The following RAD51B variants were observed in gnomAD, a reference collection of about 807,000 sequenced individuals.
RAD51B encodes RAD51 paralog B.
In RAD51B, 38 loss-of-function variants were observed where a neutral mutation model predicts 42.2. That is an observed-to-expected ratio of 0.90 (90% CI 0.70 to 1.18). The LOEUF is 1.18. Ranked by LOEUF, RAD51B falls within the 50% of genes most tolerant of loss-of-function variation. RAD51B has a pLI of 0.00. For missense variants in RAD51B, 373 were observed against 400.7 expected (o/e 0.93, Z 0.59); for synonymous variants, 154 against 145.2 (o/e 1.06, Z -0.43).
chr14:68,572,287 C>T (rs1361563518), intron 10 of RAD51B, among the ~76,000 whole-genome samples: 1 of 152,248 alleles, frequency 6.6e-6, no homozygotes, highest in Admixed American at 6.5e-5. Flanking sequence ...CTCTCCCAGG[C>T]ATCAGCCCTA....
At chr14:68,224,546 T>C (rs531996409) in intron 7 of RAD51B, among the ~76,000 whole-genome samples, 2 of 152,324 alleles carry the variant, frequency 1.3e-5, no homozygotes, top group South Asian at 4.1e-4. Flanking sequence ...TATTCATATT[T>C]ATTCAGTTCT....
At chr14:67,859,767 A>C (rs1239366004) in intron 4 of RAD51B, among the ~76,000 whole-genome samples, 1 of 152,202 alleles carries the variant, frequency 6.6e-6, no homozygotes, top group African/African-American at 2.4e-5. Context: ...TTAGGGACAC[A>C]CTTGTTCATA....
At chr14:68,652,723 TATC>T (rs993399773) in intron 11 of RAD51B, among the ~76,000 whole-genome samples, 3 of 152,248 alleles carry the variant, frequency 2.0e-5, no homozygotes, top group Admixed American at 2.0e-4. Context: ...AGTTAAATGA[TATC>T]AATTCCTTTT....
chr14:68,654,224 T>C (rs1447406822), intron 11 of RAD51B, among the ~76,000 whole-genome samples: 2 of 152,228 alleles, frequency 1.3e-5, no homozygotes, highest in Admixed American at 1.3e-4. Context: ...AGACAGGGAA[T>C]AAGCCCAGCG....
intron 10 of RAD51B, among the ~76,000 whole-genome samples, chr14:68,507,366 A>T (rs572055040): frequency 1.3e-5 from 2 of 152,220 alleles, no homozygotes; most frequent in South Asian, 4.1e-4. Flanking sequence ...GGAAGTGTTT[A>T]TGAGCTTTTT....
chr14:67,976,465 T>TTTA lies in RAD51B; in HGVS notation c.756+89272_756+89274dup, dbSNP rs1224648751. 2.6e-5 allele frequency among the ~76,000 whole-genome samples: 4 copies of TTTA among 151,256 alleles called. No individual in the cohort carries two copies. In the South Asian group the frequency reaches 8.3e-4, roughly 31 times the overall value. On this transcript the variant is annotated intron_variant, in intron 7 of 10. Transcript: ENST00000471583. Reference sequence around the variant, plus strand: ...GTTTTTTAATTTTATTTTATATATTTTTATTATTATTATACTTTAAGTTTT... The same window carrying TTTA: ...GTTTTTTAATTTTATTTTATATATTTTTATTATTATTATTATACTTTAAGTTTT...
intron 7 of RAD51B, among the ~76,000 whole-genome samples, chr14:67,897,999 T>C (rs1266582039): frequency 6.6e-6 from 1 of 152,164 alleles, no homozygotes; most frequent in Non-Finnish European, 1.5e-5. Flanking sequence ...CTACCTGCTA[T>C]GGAAAACAGT....
In RAD51B at chr14:68,429,131, C is replaced by T. The variant is rs145894810; in HGVS notation, c.957+17604C>T. Among the ~76,000 whole-genome samples, 599 of 152,232 alleles carry T rather than the reference C, an allele frequency of 3.9e-3. 5 individuals are homozygous for T. Among genetic ancestry groups the T allele is most frequent in the African/African-American group, 0.014 (572 of 41,522 alleles). The stretch of plus-strand genomic sequence containing the variant: ...AGTATTCCACGGTGTATATGTGCCA[C>T]ATTTTCTTAATCCAGTCTATCATTG... On this transcript the variant is annotated intron_variant, in intron 9 of 10. Coordinates refer to ENST00000471583, the MANE Select transcript of RAD51B (RefSeq NM_133510.4).
At chr14:68,336,367 T>C (rs2082454951) in intron 8 of RAD51B, among the ~76,000 whole-genome samples, 1 of 152,238 alleles carries the variant, frequency 6.6e-6, no homozygotes, top group East Asian at 1.9e-4. Flanking sequence ...TTTCCTAGAA[T>C]GATGTCATAC....
chr14:68,219,015 C>G (rs2079871657), intron 7 of RAD51B, among the ~76,000 whole-genome samples: 1 of 152,200 alleles, frequency 6.6e-6, no homozygotes, highest in Admixed American at 6.5e-5. Flanking sequence ...ATAAGTCTGA[C>G]AGCAGAGATA....
At chr14:68,589,917 A>ACAGACATATTCACACACGAACAC (rs1890664438) in intron 10 of RAD51B, among the ~76,000 whole-genome samples, 2 of 152,128 alleles carry the variant, frequency 1.3e-5, no homozygotes, top group South Asian at 4.1e-4. Flanking sequence ...GTTAGCTCAC[A>ACAGACATATTCACACACGAACAC]CAGACATATT....
chr14:68,052,629 T>C (rs920663447), intron 7 of RAD51B, among the ~76,000 whole-genome samples: 1 of 81,356 alleles, frequency 1.2e-5, no homozygotes, highest in East Asian at 2.5e-4. Context: ...CTTCTTCTTC[T>C]TTTTTTTTTT....
intron 7 of RAD51B, among the ~76,000 whole-genome samples, chr14:68,277,907 TA>T (rs1397815529): frequency 6.6e-6 from 1 of 152,200 alleles, no homozygotes; most frequent in Non-Finnish European, 1.5e-5. Context: ...CATGCCTGGC[TA>T]ATTTTTGTAT....
At chr14:68,200,694 C>T (rs2079466349) in intron 7 of RAD51B, among the ~76,000 whole-genome samples, 1 of 152,054 alleles carries the variant, frequency 6.6e-6, no homozygotes, top group Non-Finnish European at 1.5e-5. Context: ...CACTCTGTCA[C>T]CCAGGCTGGA....
At chr14:68,413,766 T>C (rs1044277015) in intron 9 of RAD51B, among the ~76,000 whole-genome samples, 1 of 152,188 alleles carries the variant, frequency 6.6e-6, no homozygotes, top group South Asian at 2.1e-4. Context: ...TTCTGGGATA[T>C]GTGCATAAAA....
At chr14:67,997,149 C>G (rs1160388248) in intron 7 of RAD51B, among the ~76,000 whole-genome samples, 1 of 151,990 alleles carries the variant, frequency 6.6e-6, no homozygotes, top group Non-Finnish European at 1.5e-5. Context: ...TATATGAGTT[C>G]AGAATTTCAT....
In RAD51B at chr14:68,682,998, C is replaced by G. The variant is rs1000550086; in HGVS notation, c.*11+32142C>G. On this transcript the variant is annotated intron_variant, in intron 11 of 11. Transcript: ENST00000488612. ...AGGAGAAAGCCAGCTCCATTAGTCA[C>G]GCAGCAGCATATCCTGTCACAAAGG... 6.1e-6 allele frequency: 6 copies of G among 982,542 alleles called. No individual in the cohort carries two copies. The African/African-American group carries it at 1.1e-4, about 18-fold the overall frequency. The allele number at this position is 982,542 out of a possible 1,614,324, so 60.9% of individuals were successfully genotyped here. A position where few individuals can be genotyped will look rare whatever the true frequency, so the allele number is the denominator to read the frequency against.
At chr14:68,276,285 G>C (rs1595646034) in intron 7 of RAD51B, among the ~76,000 whole-genome samples, 1 of 152,118 alleles carries the variant, frequency 6.6e-6, no homozygotes, top group Admixed American at 6.5e-5. Context: ...TCAAGGCCCA[G>C]ATCAAATGAC....
At chr14:68,322,385 A>G (rs1173145676) in intron 8 of RAD51B, among the ~76,000 whole-genome samples, 2 of 152,196 alleles carry the variant, frequency 1.3e-5, no homozygotes, top group Admixed American at 1.3e-4. Flanking sequence ...TCCAACTGCC[A>G]TCCAAATTTC....
Sources: allele counts gnomAD v4.1 joint callset (sites outside exome capture counted in the v4.1 genomes callset), GRCh38; gene constraint gnomAD v4.1.1; transcripts MANE v1.5; gene names NCBI Gene and HGNC (gene_info 2026-07-23, HGNC 2026-07-21).